Variants in ADCY5 observed in about 807,000 individuals in gnomAD.
ADCY5 encodes adenylate cyclase 5, also known as adenylate cyclase type 5.
In ADCY5, 30 loss-of-function variants were observed where a neutral mutation model predicts 119.7. That is an observed-to-expected ratio of 0.25 (90% CI 0.19 to 0.34). The LOEUF (loss-of-function observed/expected upper bound fraction) is 0.34. Among genes scored for constraint, ADCY5 ranks in the 10% least tolerant of loss-of-function variants. The pLI, the probability that ADCY5 is intolerant of heterozygous loss-of-function variation, is 1.00. For synonymous variants in ADCY5, 753 were observed against 762.2 expected (o/e 0.99, Z 0.20); for missense variants, 1,324 against 1,775.2 (o/e 0.75, Z 4.57).
At chr3:123,380,541 G>A (rs900854843) in intron 1 of ADCY5, among the ~76,000 whole-genome samples, 8 of 152,166 alleles carry the variant, frequency 5.3e-5, no homozygotes, top group Non-Finnish European at 1.2e-4. Context: ...CTAAAATCAG[G>A]GCAGGCAAGC....
chr3:123,311,395 C>T (rs992977699), intron 12 of ADCY5, among the ~76,000 whole-genome samples: 2 of 152,152 alleles, frequency 1.3e-5, no homozygotes, highest in Admixed American at 6.5e-5. Flanking sequence ...ACATTCACAG[C>T]GGGGAAGAAG....
intron 1 of ADCY5, among the ~76,000 whole-genome samples, chr3:123,394,745 C>T (rs1317830702): frequency 2.6e-5 from 4 of 152,108 alleles, no homozygotes; most frequent in South Asian, 2.1e-4. Context: ...CTCTAGGGTA[C>T]GAGCAAACCT....
At chr3:123,402,293 G>A (rs1010486019) in intron 1 of ADCY5, among the ~76,000 whole-genome samples, 1 of 152,196 alleles carries the variant, frequency 6.6e-6, no homozygotes, top group Non-Finnish European at 1.5e-5. Context: ...GAAAACCCTC[G>A]ACTCTCCAAA....
intron 1 of ADCY5, among the ~76,000 whole-genome samples, chr3:123,422,947 T>C (rs1368672035): frequency 6.6e-6 from 1 of 152,124 alleles, no homozygotes; most frequent in Non-Finnish European, 1.5e-5. Context: ...TCTGGACACG[T>C]GGTACAGAAA....
At chr3:123,300,084 A>T (rs370748160) in intron 15 of ADCY5, 36 bp downstream of exon 15, 1 of 1,607,790 alleles carries the variant, frequency 6.2e-7, no homozygotes, top group Non-Finnish European at 8.5e-7. Flanking sequence ...GCAATGTCTC[A>T]TGCCCAGTGG....
At chr3:123,294,036 G>A (rs900739743) in intron 17 of ADCY5, among the ~76,000 whole-genome samples, 1 of 152,220 alleles carries the variant, frequency 6.6e-6, no homozygotes, top group African/African-American at 2.4e-5. Flanking sequence ...ACGCCAACTT[G>A]AAATGCACAT....
chr3:123,423,565 A>C (rs976997419), intron 1 of ADCY5, among the ~76,000 whole-genome samples: 3 of 152,128 alleles, frequency 2.0e-5, no homozygotes, highest in African/African-American at 7.2e-5. Flanking sequence ...ACTAAGGTGC[A>C]ATACCCGTTT....
chr3:123,398,725 G>A (rs906350573), intron 1 of ADCY5, among the ~76,000 whole-genome samples: 10 of 152,150 alleles, frequency 6.6e-5, no homozygotes, highest in African/African-American at 9.6e-5. Flanking sequence ...TGTCCCTGCC[G>A]TTTTCTTTGC....
chr3:123,300,439 A>G, intron 14 of ADCY5, 144 bp from the exon 15 acceptor site: 1 of 973,052 alleles, frequency 1.0e-6, no homozygotes, highest in South Asian at 1.7e-5. Flanking sequence ...AACAGGTGTG[A>G]TATAAAGTGA....
Position 123,310,819 on chromosome 3 carries a change from C to T in ADCY5, c.2442+3416G>A, listed in dbSNP as rs531158688. Among the ~76,000 whole-genome samples, 11 of 152,164 alleles carry T rather than the reference C, an allele frequency of 7.2e-5. No individual in the cohort carries two copies. In the East Asian group the frequency reaches 1.7e-3, roughly 24 times the overall value. On this transcript the variant is annotated intron_variant, in intron 12 of 20. Coordinates refer to ENST00000462833, the MANE Select transcript of ADCY5 (RefSeq NM_183357.3). ...GGAGTGAAACCAGGACTTGAGGACACGATGAAGACCAAGGCACCAAGTTAG... is the reference window on the plus strand; with the variant it reads ...GGAGTGAAACCAGGACTTGAGGACATGATGAAGACCAAGGCACCAAGTTAG...
intron 1 of ADCY5, among the ~76,000 whole-genome samples, chr3:123,439,800 AT>A (rs1482132747): frequency 6.6e-6 from 1 of 152,240 alleles, no homozygotes; most frequent in Non-Finnish European, 1.5e-5. Context: ...GACAGTGCCT[AT>A]TATAAGGTAG....
At chr3:123,348,065 C>G (rs11717793) in intron 2 of ADCY5, among the ~76,000 whole-genome samples, 162 bp from the exon 3 acceptor site, 2,985 of 38,024 alleles carry the variant, frequency 0.079, 5 homozygotes, top group African/African-American at 0.095. Flanking sequence ...GTGTGTGTGT[C>G]TGTGCATGTG....
At chr3:123,329,024 G>A (rs760753521) in intron 5 of ADCY5, among the ~76,000 whole-genome samples, 68 of 152,204 alleles carry the variant, frequency 4.5e-4, no homozygotes, top group Non-Finnish European at 1.6e-4. Context: ...GCCACAAGGT[G>A]GCGCGGTGCC....
intron 1 of ADCY5, among the ~76,000 whole-genome samples, chr3:123,425,385 G>T (rs752455698): frequency 3.3e-5 from 5 of 152,186 alleles, no homozygotes; most frequent in Admixed American, 1.3e-4. Flanking sequence ...TCTTCGCCAT[G>T]TGCCACCTTC....
intron 6 of ADCY5, 77 bp from the exon 7 acceptor site, chr3:123,327,836 C>A: frequency 1.3e-6 from 2 of 1,537,328 alleles, no homozygotes; most frequent in East Asian, 4.5e-5. Flanking sequence ...AAAAACCAAA[C>A]TGCAATTAGT....
intron 1 of ADCY5, among the ~76,000 whole-genome samples, chr3:123,413,833 G>GGCA (rs1220507640): frequency 6.6e-6 from 1 of 152,188 alleles, no homozygotes. Context: ...AGGAGCAAAT[G>GGCA]GCAGCAGAGA....
chr3:123,406,536 T>C (rs1017681589), intron 1 of ADCY5, among the ~76,000 whole-genome samples: 5 of 152,202 alleles, frequency 3.3e-5, no homozygotes, highest in African/African-American at 1.2e-4. Flanking sequence ...CTGGTGCCCC[T>C]GATCAGCAAA....
chr3:123,285,352 C>T (rs2108153370), intron 20 of ADCY5, among the ~76,000 whole-genome samples: 1 of 152,318 alleles, frequency 6.6e-6, no homozygotes, highest in Non-Finnish European at 1.5e-5. Context: ...TTGTCTGGCT[C>T]TGCTTTAGCT....
At chr3:123,301,944 C>A (rs751552873) in intron 14 of ADCY5, among the ~76,000 whole-genome samples, 8 of 152,180 alleles carry the variant, frequency 5.3e-5, no homozygotes, top group Non-Finnish European at 1.0e-4. Flanking sequence ...TGGGGCTGCA[C>A]CTGCCTAGGT....
Sources: gnomAD v4.1 joint callset for allele counts (sites outside exome capture counted in the v4.1 genomes callset) on GRCh38, gnomAD v4.1.1 for gene constraint, MANE v1.5 for transcripts, NCBI Gene and HGNC (gene_info 2026-07-23, HGNC 2026-07-21) for gene names.